PHACTR4: variants seen among roughly 807,000 people sequenced by gnomAD.
PHACTR4 encodes phosphatase and actin regulator 4.
PHACTR4 carries 51 observed loss-of-function variants against 72.7 expected under a neutral mutation model. The observed-to-expected ratio is 0.70, with a 90% confidence interval of 0.56 to 0.89. The LOEUF (loss-of-function observed/expected upper bound fraction) is 0.89, where lower values mean the gene tolerates loss of function less well. Among genes scored for constraint, PHACTR4 ranks in the 40% least tolerant of loss-of-function variants. The pLI, the probability that PHACTR4 is intolerant of heterozygous loss-of-function variation, is 0.00. For synonymous variants in PHACTR4, 255 were observed against 302.5 expected (o/e 0.84, Z 1.63); for missense variants, 731 against 861.8 (o/e 0.85, Z 1.90).
In PHACTR4 at chr1:28,453,167, A is replaced by G. The variant is rs1191918309; in HGVS notation, c.17-5918A>G. On this transcript the variant is annotated intron_variant, in intron 2 of 13. Coordinates refer to ENST00000373839, the MANE Select transcript of PHACTR4 (RefSeq NM_001048183.3). ...AAAAATGAATTAAATTAACTAGCATATACTGTACTGCTGTAATTTCATAGC... is the reference window on the plus strand; with the variant it reads ...AAAAATGAATTAAATTAACTAGCATGTACTGTACTGCTGTAATTTCATAGC... Among the ~76,000 whole-genome samples, 5 of 152,310 alleles carry G rather than the reference A, an allele frequency of 3.3e-5. No homozygotes were observed. In the East Asian group the frequency reaches 9.6e-4, roughly 29 times the overall value.
intron 2 of PHACTR4, among the ~76,000 whole-genome samples, chr1:28,421,366 C>A (rs1275920733): frequency 6.6e-6 from 1 of 151,920 alleles, no homozygotes; most frequent in African/African-American, 2.4e-5. Flanking sequence ...GGCCTCTAAT[C>A]CTCGTTGAAG....
chr1:28,465,184 C>G (rs951754235), intron 4 of PHACTR4, among the ~76,000 whole-genome samples: 1 of 151,958 alleles, frequency 6.6e-6, no homozygotes, highest in Non-Finnish European at 1.5e-5. Context: ...AACCCTGGGC[C>G]GGGCACGGTG....
chr1:28,403,067 G>A (rs768559279), intron 1 of PHACTR4, among the ~76,000 whole-genome samples: 2 of 152,196 alleles, frequency 1.3e-5, no homozygotes, highest in Non-Finnish European at 2.9e-5. Flanking sequence ...TCAGATGGCT[G>A]GCAAACTGTC....
At chr1:28,421,060 T>C (rs1190273444) in intron 2 of PHACTR4, among the ~76,000 whole-genome samples, 1 of 152,202 alleles carries the variant, frequency 6.6e-6, no homozygotes, top group Non-Finnish European at 1.5e-5. Flanking sequence ...TGTTGAACAA[T>C]TTGTCAGTTT....
At chr1:28,397,842 C>T (rs1211727041) in intron 1 of PHACTR4, among the ~76,000 whole-genome samples, 7 of 151,706 alleles carry the variant, frequency 4.6e-5, no homozygotes, top group African/African-American at 1.5e-4. Context: ...ACTACAGGTG[C>T]GTGCCACCAT....
intron 1 of PHACTR4, among the ~76,000 whole-genome samples, chr1:28,391,599 CTTTT>C (rs751801605): frequency 0.32 from 31,417 of 97,874 alleles, 4,091 homozygotes; most frequent in African/African-American, 0.44. Context: ...AAAATATATT[CTTTT>C]TTTTTTTTTT....
chr1:28,387,297 G>C (rs1652634777), intron 1 of PHACTR4, among the ~76,000 whole-genome samples: 1 of 149,894 alleles, frequency 6.7e-6, no homozygotes, highest in Admixed American at 6.7e-5. Context: ...CCCTCAAACA[G>C]TTTTCCCCCT....
At chr1:28,381,268 G>T (rs1423541899) in intron 1 of PHACTR4, among the ~76,000 whole-genome samples, 1 of 144,692 alleles carries the variant, frequency 6.9e-6, no homozygotes, top group African/African-American at 2.6e-5. Flanking sequence ...CTCCTAAAGT[G>T]CTGAGATTAC....
intron 9 of PHACTR4, among the ~76,000 whole-genome samples, chr1:28,484,496 A>G (rs911257357): frequency 2.6e-5 from 4 of 151,080 alleles, no homozygotes; most frequent in African/African-American, 9.8e-5. Context: ...ATATGTGTGT[A>G]TGTGTATATA....
chr1:28,475,422 C>T (rs957475318), intron 7 of PHACTR4, among the ~76,000 whole-genome samples: 1 of 152,034 alleles, frequency 6.6e-6, no homozygotes, highest in Non-Finnish European at 1.5e-5. Flanking sequence ...GTGAGATAGC[C>T]CTGGGTTCAA....
rs1268700151 is a variant in PHACTR4, at chr1:28,395,943, C to T, written c.-38-11467C>T. On this transcript the variant is annotated intron_variant, in intron 1 of 13. Coordinates refer to ENST00000373839, the MANE Select transcript of PHACTR4 (RefSeq NM_001048183.3). The stretch of plus-strand genomic sequence containing the variant: ...CCTCCCAAAGTGCTGGGATTACAGG[C>T]GTGAGCCACCACGCCCGGCCAACTT... Among the ~76,000 whole-genome samples, 9 of 144,624 alleles carry T rather than the reference C, an allele frequency of 6.2e-5. No individual in the cohort carries two copies. In the East Asian group the frequency reaches 1.4e-3, roughly 22 times the overall value. The allele number at this position is 144,624 out of a possible 152,430, so 94.9% of individuals were successfully genotyped here.
At chr1:28,484,573 A>G (rs1259582893) in intron 9 of PHACTR4, among the ~76,000 whole-genome samples, 1 of 151,128 alleles carries the variant, frequency 6.6e-6, no homozygotes, top group Non-Finnish European at 1.5e-5. Context: ...ATATGTGTGT[A>G]TGTAATATAT....
intron 2 of PHACTR4, among the ~76,000 whole-genome samples, chr1:28,416,434 T>C (rs762209513): frequency 3.3e-5 from 5 of 152,178 alleles, no homozygotes; most frequent in Non-Finnish European, 7.3e-5. Flanking sequence ...TTACCAATCT[T>C]AAGGAAAACA....
At chr1:28,414,992 G>A (rs1655016531) in intron 2 of PHACTR4, among the ~76,000 whole-genome samples, 2 of 152,084 alleles carry the variant, frequency 1.3e-5, no homozygotes, top group Admixed American at 1.3e-4. Context: ...TGGGCGCGGT[G>A]GCTCACCCCC....
At chr1:28,480,222 G>A (rs1660193749) in intron 8 of PHACTR4, among the ~76,000 whole-genome samples, 1 of 152,176 alleles carries the variant, frequency 6.6e-6, no homozygotes, top group Non-Finnish European at 1.5e-5. Flanking sequence ...GTAGAGGCCT[G>A]ATAGAAGAGA....
chr1:28,382,802 T>A (rs1443370465), intron 1 of PHACTR4, among the ~76,000 whole-genome samples: 5 of 152,010 alleles, frequency 3.3e-5, no homozygotes, highest in South Asian at 2.1e-4. Flanking sequence ...ATTATTAATT[T>A]ATTTATTTTT....
chr1:28,487,717 G>GTTTTTTTTTTT (rs1320016675), intron 9 of PHACTR4, among the ~76,000 whole-genome samples: 8 of 102,414 alleles, frequency 7.8e-5, no homozygotes, highest in African/African-American at 2.8e-4. Context: ...ACAAATTGTA[G>GTTTTTTTTTTT]TTTTTTGTTG....
Position 28,476,263 on chromosome 1 carries a change from TGAA to T in PHACTR4, c.1584_1586del (p.Glu528del), listed in dbSNP as rs2124511453. On this transcript the variant is annotated inframe_deletion, in exon 8 of 14. Transcript: ENST00000373839. ...CAGAAGGTCCCATTCAGTACCGAGA[TGAA>T]GAAGATGAAGATGAAAGCTATCAGA... 1 of 1,598,266 alleles carries T rather than the reference TGAA, an allele frequency of 6.3e-7. No homozygotes were observed.
rs879597840 is a variant in PHACTR4 at position 28,493,074 on chromosome 1, G to A, written c.2076G>A (p.Glu692=). Residue 692 remains glutamate, a synonymous_variant, in exon 13 of 14, where the codon GAG becomes GAA. Coordinates refer to ENST00000373839, the MANE Select transcript of PHACTR4 (RefSeq NM_001048183.3). ...FKSSEMEVHE[E]SKHFTRYHRP The stretch of plus-strand genomic sequence containing the variant: ...GCTCCGAGATGGAGGTTCATGAAGA[G>A]AGCAAACATTTTACACGGTAAGACC... 3 of 1,612,910 alleles carry A rather than the reference G, an allele frequency of 1.9e-6. No homozygotes were observed. The highest frequency in any genetic ancestry group is 2.5e-6 in the Non-Finnish European group (3 of 1,179,050).
Sources: allele counts gnomAD v4.1 joint callset (sites outside exome capture counted in the v4.1 genomes callset), GRCh38; gene constraint gnomAD v4.1.1; transcripts MANE v1.5; gene names NCBI Gene and HGNC (gene_info 2026-07-23, HGNC 2026-07-21).